KRT6A: variants seen among roughly 807,000 people sequenced by gnomAD.
The protein encoded by KRT6A is keratin 6A, also known as keratin, type II cytoskeletal 6A.
KRT6A carries 28 observed loss-of-function variants against 48.6 expected under a neutral mutation model. That is an observed-to-expected ratio of 0.58 (90% CI 0.43 to 0.79). KRT6A has a LOEUF of 0.79. KRT6A is among the 30% of genes least tolerant of loss of function. KRT6A has a pLI of 0.00. For missense variants in KRT6A, 687 were observed against 724.3 expected (o/e 0.95, Z 0.59); for synonymous variants, 301 against 294.2 (o/e 1.02, Z -0.24).
Position 52,492,692 on chromosome 12 carries a change from T to C in KRT6A, c.497A>G (p.Gln166Arg), listed in dbSNP as rs267607460. The C allele has an allele frequency of 6.2e-7, 1 of 1,614,056 alleles. No homozygotes were observed. Among genetic ancestry groups the C allele is most frequent in the Non-Finnish European group, 8.5e-7 (1 of 1,179,938 alleles). ...AAACTTGTTGTTGAGGGTCTTGATC[T>C]GTTCACGCTCCTCAGCCCGCACCCG... ...IQRVRAEERE[Q>R]IKTLNNKFAS... Residue 166 changes from glutamine (Q) to arginine (R), a missense_variant, in exon 1 of 9, where the codon CAG (glutamine) becomes CGG (arginine). Transcript: ENST00000330722.
Position 52,490,725 on chromosome 12 carries a change from G to T in KRT6A, c.921C>A (p.Ser307=), listed in dbSNP as rs551731110. Reference sequence around the variant, plus strand: ...TGTCTGAGATGTGGGTCTGCATCTGGGACAGCTCCTGCAGAACAGAAGGTC... The same window carrying T: ...TGTCTGAGATGTGGGTCTGCATCTGTGACAGCTCCTGCAGAACAGAAGGTC... The part of the protein sequence containing the change: ...FLRALYDAEL[S]QMQTHISDTS... Residue 307 remains serine, a synonymous_variant, in exon 5 of 9, where the codon TCC becomes TCA. Transcript: ENST00000330722. 4.3e-6 allele frequency: 7 copies of T among 1,614,076 alleles called. No homozygotes were observed. The African/African-American group carries it at 9.3e-5, about 22-fold the overall frequency.
intron 6 of KRT6A, among the ~76,000 whole-genome samples, chr12:52,488,800 C>A (rs1460595421): frequency 1.3e-5 from 2 of 152,164 alleles, no homozygotes; most frequent in African/African-American, 4.8e-5. Flanking sequence ...GGAGACACTG[C>A]AGTGGACACA....
At chr12:52,489,886 G>T in intron 6 of KRT6A, 57 bp downstream of exon 6, 1 of 1,613,728 alleles carries the variant, frequency 6.2e-7, no homozygotes, top group Non-Finnish European at 8.5e-7. Context: ...AATGGTTGAT[G>T]GCTGCCTGAC....
chr12:52,488,833 C>G (rs1938199909), intron 6 of KRT6A, among the ~76,000 whole-genome samples: 1 of 152,176 alleles, frequency 6.6e-6, no homozygotes, highest in Non-Finnish European at 1.5e-5. Flanking sequence ...AATGTACCTG[C>G]TGGTTTGTTT....
chr12:52,487,657 G>A lies in KRT6A; in HGVS notation c.*63C>T. The A allele has an allele frequency of 2.5e-6, 4 of 1,609,388 alleles. No homozygotes were observed. Among genetic ancestry groups the A allele is most frequent in the Non-Finnish European group, 3.4e-6 (4 of 1,176,436 alleles). On this transcript the variant is annotated 3_prime_UTR_variant, in exon 9 of 9. Coordinates refer to ENST00000330722, the MANE Select transcript of KRT6A (RefSeq NM_005554.4). Reference sequence around the variant, plus strand: ...GCCAGGAGAGGAAAGGCAACCTGAGGAGAGGGCTCTGCAGCCAGAGAGGGG... The same window carrying A: ...GCCAGGAGAGGAAAGGCAACCTGAGAAGAGGGCTCTGCAGCCAGAGAGGGG...
rs186117617 is a variant in KRT6A, at chr12:52,488,424, C to T, written c.1328G>A (p.Arg443Gln). ...CAGCTCCTGGTACTCCTTCAGCAGCCGGGCCAGGTCCTGCTTGGCCTTCTG... is the reference window on the plus strand; with the variant it reads ...CAGCTCCTGGTACTCCTTCAGCAGCTGGGCCAGGTCCTGCTTGGCCTTCTG... ...ALQKAKQDLA[R>Q]LLKEYQELMN... The change falls in exon 7 of 9, where the codon CGG (arginine) becomes CAG (glutamine). Residue 443 changes from arginine (R) to glutamine (Q), a missense_variant. This residue lies in a region of KRT6A where 566 missense variants were observed against 565.3 expected (regional missense o/e 1.00). Coordinates refer to ENST00000330722, the MANE Select transcript of KRT6A (RefSeq NM_005554.4). The T allele has an allele frequency of 2.0e-4, 321 of 1,614,126 alleles. 1 individual carries two copies. The East Asian group carries it at 5.7e-3, about 29-fold the overall frequency.
In KRT6A at chr12:52,493,101, G is replaced by A. The variant is rs368524604; in HGVS notation, c.88C>T (p.Arg30Cys). 3.8e-5 allele frequency: 62 copies of A among 1,613,950 alleles called. No individual in the cohort carries two copies. The highest frequency in any genetic ancestry group is 5.0e-5 in the Admixed American group (3 of 60,026). ...ACGGAGACGCTGCTGAAGCCAGAGCGGCTGACCCCAGGGAGCCTGGCTGAG... is the reference window on the plus strand; with the variant it reads ...ACGGAGACGCTGCTGAAGCCAGAGCAGCTGACCCCAGGGAGCCTGGCTGAG... ...ANSARLPGVS[R>C]SGFSSVSVSR... Residue 30 changes from arginine to cysteine, a missense_variant, in exon 1 of 9, where the codon CGC becomes TGC. This residue lies in a region of KRT6A where 72 missense variants were observed against 61.8 expected (regional missense o/e 1.17). Transcript: ENST00000330722.
At chr12:52,488,271 T>G in intron 7 of KRT6A, 57 bp downstream of exon 7, 1 of 1,614,044 alleles carries the variant, frequency 6.2e-7, no homozygotes. Context: ...TTGTGCTCAG[T>G]GCCAGGAACC....
chr12:52,490,590 A>G lies in KRT6A; in HGVS notation c.1056T>C (p.Ala352=). 1.2e-6 allele frequency: 2 copies of G among 1,614,210 alleles called. No homozygotes were observed. The highest frequency in any genetic ancestry group is 1.7e-6 in the Non-Finnish European group (2 of 1,180,036). The change falls in exon 5 of 9, where the codon GCT becomes GCC. Residue 352 remains alanine, a synonymous_variant. Transcript: ENST00000330722. ...EEIAQRSRAE[A]ESWYQTKYEE... The stretch of plus-strand genomic sequence containing the variant: ...TCACCTTGGTCTGGTACCAGGACTC[A>G]GCCTCAGCCCGGCTTCTCTGAGCAA...
In KRT6A at chr12:52,490,547, C is replaced by T. The variant is rs769203700; in HGVS notation, c.1077+22G>A. ...CAGGGATGGCACAGGGATTCCTCAG[C>T]GGCTGCCCACTCCCTGCTCACCTTG... On this transcript the variant is annotated intron_variant, in intron 5 of 8. Transcript: ENST00000330722. The T allele has an allele frequency of 3.8e-5, 61 of 1,614,078 alleles. No individual in the cohort carries two copies. In the East Asian group the frequency reaches 3.8e-4, roughly 10 times the overall value.
intron 6 of KRT6A, 73 bp downstream of exon 6, chr12:52,489,870 T>G (rs1938226150): frequency 6.2e-7 from 1 of 1,612,184 alleles, no homozygotes; most frequent in Non-Finnish European, 8.5e-7. Context: ...GGATTTTCCC[T>G]AATATAATGG....
At position 52,490,712 on chromosome 12, in the gene KRT6A, G is replaced by A; in HGVS notation, c.934C>T (p.His312Tyr). ...YDAELSQMQT[H>Y]ISDTSVVLSM... The stretch of plus-strand genomic sequence containing the variant: ...AGCACCACAGATGTGTCTGAGATGT[G>A]GGTCTGCATCTGGGACAGCTCCTGC... Residue 312 changes from histidine to tyrosine, a missense_variant, in exon 5 of 9, where the codon CAC becomes TAC. Coordinates refer to ENST00000330722, the MANE Select transcript of KRT6A (RefSeq NM_005554.4). The A allele has an allele frequency of 6.2e-7, 1 of 1,614,224 alleles. No individual in the cohort carries two copies. Among genetic ancestry groups the A allele is most frequent in the Non-Finnish European group, 8.5e-7 (1 of 1,180,044 alleles).
chr12:52,492,091 G>A (rs1938277279), intron 1 of KRT6A, among the ~76,000 whole-genome samples: 1 of 152,182 alleles, frequency 6.6e-6, no homozygotes, highest in African/African-American at 2.4e-5. Flanking sequence ...TAGGACCTCA[G>A]TTAGAAGAGA....
rs1340428279 is a variant in KRT6A at position 52,490,225 on chromosome 12, AAC to A, written c.1078-159_1078-158del. The A allele has an allele frequency of 5.7e-6, 8 of 1,412,320 alleles. No individual in the cohort carries two copies. The African/African-American group carries it at 1.0e-4, about 18-fold the overall frequency. 87.5% of individuals were successfully genotyped at this position (1,412,320 alleles called of 1,614,324 possible). A position where few individuals can be genotyped will look rare whatever the true frequency, so the allele number is the denominator to read the frequency against. ...GATATTATGTGGTTGGTGGATACTAAACACTGGAGTCACAGACCATCCTCATT... is the reference window on the plus strand; with the variant it reads ...GATATTATGTGGTTGGTGGATACTAAACTGGAGTCACAGACCATCCTCATT... On this transcript the variant is annotated intron_variant, in intron 5 of 8. Transcript: ENST00000330722.
rs200198490 is a variant in KRT6A at position 52,487,802 on chromosome 12, C to G, written c.1613G>C (p.Gly538Ala). The G allele has an allele frequency of 6.2e-7, 1 of 1,614,072 alleles. No individual in the cohort carries two copies. Among genetic ancestry groups the G allele is most frequent in the Non-Finnish European group, 8.5e-7 (1 of 1,179,940 alleles). ...ACTGCCGCCTCCAACAGAGCTGAGG[C>G]CACCCCCAATGGCTCTGCCACTGCT... Reference protein sequence around the residue: ...SSSSGRAIGGGLSSVGGGSST... With the variant: ...SSSSGRAIGGALSSVGGGSST... Residue 538 changes from glycine to alanine, a missense_variant, in exon 9 of 9, where the codon GGC becomes GCC. Transcript: ENST00000330722.
Position 52,488,090 on chromosome 12 carries a change from C to G in KRT6A, c.1438G>C (p.Gly480Arg), listed in dbSNP as rs1306355073. 1.9e-6 allele frequency: 3 copies of G among 1,614,006 alleles called. No individual in the cohort carries two copies. The highest frequency in any genetic ancestry group is 1.7e-5 in the Admixed American group (1 of 60,018). The stretch of plus-strand genomic sequence containing the variant: ...TTACAGATGTTGACTTGTCCAACGC[C>G]TTCGCCATTCAGCCTGTGGAGAGGA... ...EGEECRLNGE[G>R]VGQVNISVVQ... Residue 480 changes from glycine to arginine, a missense_variant, in exon 8 of 9, where the codon GGC becomes CGC. Around this residue, in one of 3 missense-constraint regions of KRT6A, gnomAD observed 566 missense variants for 565.3 expected, o/e 1.00. Transcript: ENST00000330722.
At chr12:52,489,681 G>A (rs1420266798) in intron 6 of KRT6A, among the ~76,000 whole-genome samples, 2 of 152,168 alleles carry the variant, frequency 1.3e-5, no homozygotes, top group African/African-American at 4.8e-5. Context: ...GTGGTCCAGG[G>A]AAGCCAAAAT....
chr12:52,488,640 G>T lies in KRT6A; in HGVS notation c.1204-92C>A, dbSNP rs572129741. The T allele has an allele frequency of 2.0e-6, 3 of 1,503,168 alleles. No homozygotes were observed. In the South Asian group the frequency reaches 3.4e-5, roughly 17 times the overall value. The allele number at this position is 1,503,168 out of a possible 1,614,324, so 93.1% of individuals were successfully genotyped here. ...TTATTTCCTAGTGAAGGGGCCAGGA[G>T]CCCAGAATTGATGGTGAATGAGCTC... On this transcript the variant is annotated intron_variant, in intron 6 of 8. Transcript: ENST00000330722.
In KRT6A at chr12:52,487,512, A is replaced by G. The variant is rs1369867967; in HGVS notation, c.*208T>C. 1.6e-6 allele frequency: 1 copy of G among 627,546 alleles called. No homozygotes were observed. The highest frequency in any genetic ancestry group is 2.8e-6 in the Non-Finnish European group (1 of 355,466). The allele number at this position is 627,546 out of a possible 1,614,324, so 38.9% of individuals were successfully genotyped here. A position where few individuals can be genotyped will look rare whatever the true frequency, so the allele number is the denominator to read the frequency against. On this transcript the variant is annotated 3_prime_UTR_variant, in exon 9 of 9. Transcript: ENST00000330722. The stretch of plus-strand genomic sequence containing the variant: ...CAGTGGTGATTACATCATGATGTAA[A>G]ATCAGAGGTTGATCTGATGGTGAGC...
Sources: allele counts gnomAD v4.1 joint callset (sites outside exome capture counted in the v4.1 genomes callset), GRCh38; gene constraint gnomAD v4.1.1; regional missense constraint gnomAD v4.1.1; transcripts MANE v1.5; gene names NCBI Gene and HGNC (gene_info 2026-07-23, HGNC 2026-07-21).